Variants in RAB10 observed in about 807,000 individuals in gnomAD.
RAB10 encodes the protein ras-related protein Rab-10.
In RAB10, 5 loss-of-function variants were observed where a neutral mutation model predicts 25.7. That is an observed-to-expected ratio of 0.19 (90% CI 0.10 to 0.41). The LOEUF (loss-of-function observed/expected upper bound fraction) is 0.41, where lower values mean the gene tolerates loss of function less well. Among genes scored for constraint, RAB10 ranks in the 10% least tolerant of loss-of-function variants. RAB10 has a pLI of 1.00. For missense variants in RAB10, 103 were observed against 245.8 expected (o/e 0.42, Z 3.89); for synonymous variants, 89 against 86.4 (o/e 1.03, Z -0.16).
At chr2:26,071,392 A>G (rs1160684659) in intron 1 of RAB10, among the ~76,000 whole-genome samples, 1 of 152,198 alleles carries the variant, frequency 6.6e-6, no homozygotes, top group Non-Finnish European at 1.5e-5. Context: ...TTATGCTTTT[A>G]AGATTGGAAT....
At chr2:26,058,071 A>T (rs1574531435) in intron 1 of RAB10, among the ~76,000 whole-genome samples, 1 of 152,196 alleles carries the variant, frequency 6.6e-6, no homozygotes, top group East Asian at 1.9e-4. Context: ...ATTTGTTAAG[A>T]AGACTAAAAA....
intron 5 of RAB10, among the ~76,000 whole-genome samples, chr2:26,129,250 C>T (rs1401196313): frequency 7.8e-6 from 1 of 127,944 alleles, no homozygotes; most frequent in African/African-American, 3.1e-5. Flanking sequence ...AGCTTGGGGA[C>T]AGACCAAGAC....
intron 5 of RAB10, 113 bp downstream of exon 5, chr2:26,128,064 C>A: frequency 1.1e-6 from 1 of 927,466 alleles, no homozygotes; most frequent in Non-Finnish European, 1.7e-6. Flanking sequence ...GGTATTGTTT[C>A]TGTAGGGCAG....
intron 2 of RAB10, among the ~76,000 whole-genome samples, chr2:26,103,293 A>G (rs1018550098): frequency 4.6e-5 from 7 of 152,258 alleles, no homozygotes; most frequent in African/African-American, 1.7e-4. Context: ...AAGTGCATTT[A>G]AGATATGAAA....
intron 1 of RAB10, among the ~76,000 whole-genome samples, chr2:26,057,458 A>T (rs1356284713): frequency 6.6e-6 from 1 of 152,042 alleles, no homozygotes; most frequent in Non-Finnish European, 1.5e-5. Flanking sequence ...ATTAAAAAAT[A>T]AAAACTATAA....
At chr2:26,097,140 CG>C (rs1667238347) in intron 1 of RAB10, among the ~76,000 whole-genome samples, 1 of 152,132 alleles carries the variant, frequency 6.6e-6, no homozygotes, top group Admixed American at 6.5e-5. Flanking sequence ...TCACTTAAGC[CG>C]GGAAGTGGAG....
chr2:26,084,085 T>C (rs926596651), intron 1 of RAB10, among the ~76,000 whole-genome samples: 1 of 152,168 alleles, frequency 6.6e-6, no homozygotes, highest in East Asian at 1.9e-4. Context: ...GCCAAACATA[T>C]TTGCATGTCA....
chr2:26,050,042 A>T (rs1301441481), intron 1 of RAB10, among the ~76,000 whole-genome samples: 1 of 152,174 alleles, frequency 6.6e-6, no homozygotes, highest in East Asian at 1.9e-4. Context: ...TGCACAATTA[A>T]TGCCTTGGGA....
chr2:26,053,377 T>G (rs577355757), intron 1 of RAB10, among the ~76,000 whole-genome samples: 11 of 152,324 alleles, frequency 7.2e-5, no homozygotes, highest in Admixed American at 2.6e-4. Context: ...TTAGCTGATT[T>G]ACTTGGGGGG....
At chr2:26,100,680 T>C (rs1173075011) in intron 2 of RAB10, among the ~76,000 whole-genome samples, 1 of 152,086 alleles carries the variant, frequency 6.6e-6, no homozygotes, top group African/African-American at 2.4e-5. Flanking sequence ...TAACCCTGTG[T>C]TTTTTGGTAA....
intron 1 of RAB10, among the ~76,000 whole-genome samples, chr2:26,061,197 C>T (rs753984770): frequency 4.0e-5 from 6 of 148,832 alleles, no homozygotes; most frequent in Non-Finnish European, 8.9e-5. Flanking sequence ...TCACTGCAAC[C>T]TCTGCCTCCC....
intron 2 of RAB10, chr2:26,101,840 T>C (rs1667347516): frequency 6.6e-6 from 1 of 152,420 alleles, no homozygotes; most frequent in East Asian, 1.9e-4. Flanking sequence ...CATAGGTCTC[T>C]TTTTGCATGG....
At chr2:26,123,657 G>A (rs1469740629) in intron 3 of RAB10, among the ~76,000 whole-genome samples, 1 of 152,172 alleles carries the variant, frequency 6.6e-6, no homozygotes, top group Non-Finnish European at 1.5e-5. Flanking sequence ...GGACGATAAG[G>A]AAGAAGGCAA....
chr2:26,068,520 C>T (rs903063576), intron 1 of RAB10, among the ~76,000 whole-genome samples: 2 of 152,036 alleles, frequency 1.3e-5, no homozygotes, highest in Non-Finnish European at 2.9e-5. Context: ...GTGAAAATAC[C>T]TGTCAGTGAC....
At chr2:26,052,862 G>A (rs1326513714) in intron 1 of RAB10, among the ~76,000 whole-genome samples, 5 of 152,142 alleles carry the variant, frequency 3.3e-5, no homozygotes, top group Non-Finnish European at 7.3e-5. Context: ...GAAGCTATGT[G>A]TTGGGGTGTC....
intron 1 of RAB10, among the ~76,000 whole-genome samples, chr2:26,074,868 G>A (rs952244145): frequency 1.3e-5 from 2 of 152,170 alleles, no homozygotes; most frequent in African/African-American, 4.8e-5. Flanking sequence ...CACTCCTTAA[G>A]AGCTGTTATG....
intron 1 of RAB10, among the ~76,000 whole-genome samples, chr2:26,097,220 C>T (rs1667240968): frequency 6.6e-6 from 1 of 151,792 alleles, no homozygotes; most frequent in Admixed American, 6.6e-5. Flanking sequence ...TGTCTCAAAA[C>T]AAACAAACAA....
intron 3 of RAB10, among the ~76,000 whole-genome samples, chr2:26,112,673 A>G (rs1667598520): frequency 6.6e-6 from 1 of 152,012 alleles, no homozygotes; most frequent in Non-Finnish European, 1.5e-5. Context: ...TGAGGCAGAA[A>G]GATTGCTTGA....
chr2:26,070,522 T>C (rs866599617), intron 1 of RAB10, among the ~76,000 whole-genome samples: 36 of 152,240 alleles, frequency 2.4e-4, no homozygotes, highest in African/African-American at 8.4e-4. Context: ...GTTTTCCTTC[T>C]TGTGAACCTT....
Sources: gnomAD v4.1 joint callset for allele counts (sites outside exome capture counted in the v4.1 genomes callset) on GRCh38, gnomAD v4.1.1 for gene constraint, MANE v1.5 for transcripts, NCBI Gene and HGNC (gene_info 2026-07-23, HGNC 2026-07-21) for gene names.